The following MGRN1 variants were observed in gnomAD, a reference collection of about 807,000 sequenced individuals.
MGRN1 encodes E3 ubiquitin-protein ligase MGRN1.
In MGRN1, 29 loss-of-function variants were observed where a neutral mutation model predicts 69.2. The observed-to-expected ratio is 0.42, with a 90% CI of 0.31 to 0.57. The LOEUF (loss-of-function observed/expected upper bound fraction) is 0.57, where lower values mean the gene tolerates loss of function less well. Ranked by LOEUF, MGRN1 falls within the 20% of genes least tolerant of loss-of-function variation. MGRN1 has a pLI of 0.15. For synonymous variants in MGRN1, 470 were observed against 344.2 expected, an observed-to-expected ratio of 1.37 and a Z score of -4.04; for missense variants, 998 against 796.2, an observed-to-expected ratio of 1.25 and a Z score of -3.05.
At chr16:4,628,047 T>C (rs1246561187) in intron 1 of MGRN1, among the ~76,000 whole-genome samples, 1 of 136,556 alleles carries the variant, frequency 7.3e-6, no homozygotes, top group Non-Finnish European at 1.5e-5. Flanking sequence ...GCCACTGCAC[T>C]CCAGCCTAGG....
At chr16:4,673,304 C>G (rs1240592165) in intron 9 of MGRN1, among the ~76,000 whole-genome samples, 194 bp from the exon 10 acceptor site, 1 of 152,116 alleles carries the variant, frequency 6.6e-6, no homozygotes, top group Non-Finnish European at 1.5e-5. Flanking sequence ...CCCCCTCTGC[C>G]AGGTGCTGAG....
At chr16:4,671,264 G>C (rs2078930896) in intron 8 of MGRN1, 127 bp from the exon 9 acceptor site, 1 of 827,762 alleles carries the variant, frequency 1.2e-6, no homozygotes. Context: ...GGCCCCCAGG[G>C]GTTGAGCTGG....
At chr16:4,663,156 C>T (rs749947189) in intron 5 of MGRN1, among the ~76,000 whole-genome samples, 3 of 151,668 alleles carry the variant, frequency 2.0e-5, no homozygotes, top group South Asian at 4.2e-4. Context: ...CTCCGCCTCC[C>T]GATTTCAAGT....
At position 4,648,594 on chromosome 16, in the gene MGRN1, G is replaced by C. The variant is rs1221240706; in HGVS notation, c.89-1771G>C. Among the ~76,000 whole-genome samples the C allele has an allele frequency of 4.5e-5, 5 of 110,838 alleles. 1 individual carries two copies. The highest frequency in any genetic ancestry group is 1.7e-4 in the Admixed American group (2 of 12,030). The allele number at this position is 110,838 out of a possible 152,430, so 72.7% of individuals were successfully genotyped here. On this transcript the variant is annotated intron_variant, in intron 1 of 16. Transcript: ENST00000262370. Reference sequence around the variant, plus strand: ...GTGGTCACCCGGGTCCTCCTCCCGGGGCTCTTCCCGTGGTCACCCGGGTCC... The same window carrying C: ...GTGGTCACCCGGGTCCTCCTCCCGGCGCTCTTCCCGTGGTCACCCGGGTCC...
At chr16:4,649,689 A>AGGG (rs2078358171) in intron 1 of MGRN1, 1 of 152,474 alleles carries the variant, frequency 6.6e-6, no homozygotes, top group Non-Finnish European at 1.5e-5. Context: ...ATGCACAGGT[A>AGGG]GGGGCTGGGT....
At chr16:4,680,468 C>T (rs2079155919) in intron 12 of MGRN1, 1 of 231,536 alleles carries the variant, frequency 4.3e-6, no homozygotes, top group Non-Finnish European at 8.7e-6. Context: ...GTGTCCCGCT[C>T]CTTTACCCTG....
At chr16:4,683,177 G>A (rs750649828) in intron 14 of MGRN1, 47 bp from the exon 15 acceptor site, 117 of 1,607,146 alleles carry the variant, frequency 7.3e-5, no homozygotes, top group Non-Finnish European at 9.3e-5. Flanking sequence ...CTGGAGCGGT[G>A]GCCGCGGCTC....
chr16:4,658,148 G>C (rs565481567), intron 5 of MGRN1, among the ~76,000 whole-genome samples: 1 of 152,044 alleles, frequency 6.6e-6, no homozygotes, highest in Admixed American at 6.6e-5. Context: ...TCAAAGCTGT[G>C]TCCTCCCTCC....
intron 5 of MGRN1, chr16:4,659,168 A>C (rs940974347): frequency 1.3e-5 from 2 of 151,856 alleles, no homozygotes; most frequent in African/African-American, 2.4e-5. Context: ...GGTAAAAAAA[A>C]AATAAAAATA....
intron 16 of MGRN1, among the ~76,000 whole-genome samples, chr16:4,686,007 G>A (rs566963233): frequency 1.3e-5 from 2 of 152,200 alleles, no homozygotes; most frequent in South Asian, 2.1e-4. Context: ...TCCTTCATGC[G>A]CCCTTCCCTA....
At chr16:4,660,123 G>C (rs1009786842) in intron 5 of MGRN1, among the ~76,000 whole-genome samples, 18 of 152,252 alleles carry the variant, frequency 1.2e-4, no homozygotes, top group Admixed American at 3.9e-4. Flanking sequence ...GGCCACAGGG[G>C]TGCCCAGCAT....
intron 1 of MGRN1, chr16:4,640,480 C>A (rs1443999817): frequency 6.6e-6 from 1 of 152,404 alleles, no homozygotes; most frequent in South Asian, 2.1e-4. Context: ...CACCCAGAGT[C>A]CGAATCCCTC....
chr16:4,628,217 T>A (rs1386589365), intron 1 of MGRN1, among the ~76,000 whole-genome samples: 16 of 151,366 alleles, frequency 1.1e-4, no homozygotes, highest in Admixed American at 1.1e-3. Flanking sequence ...AAACCCCATG[T>A]CTACTAAAAA....
rs35244293 is a variant in MGRN1, at chr16:4,688,689, G to C, written c.1619-107G>C. 9.4e-3 allele frequency: 13,606 copies of C among 1,452,822 alleles called. 84 individuals are homozygous for C. Among genetic ancestry groups the C allele is most frequent in the Non-Finnish European group, 0.011 (12,267 of 1,094,458 alleles). The allele number at this position is 1,452,822 out of a possible 1,614,324, so 90.0% of individuals were successfully genotyped here. On this transcript the variant is annotated intron_variant, in intron 16 of 16. Coordinates refer to ENST00000262370, the MANE Select transcript of MGRN1 (RefSeq NM_015246.4). ...TGTTGTGGCCACAGGCGGCGGGAGT[G>C]GGGGTGCTGGATGGCCCAGCCCCTC...
Position 4,681,649 on chromosome 16 carries a change from T to C in MGRN1, c.1231T>C (p.Tyr411His), listed in dbSNP as rs755083140. The change falls in exon 13 of 17, where the codon TAT becomes CAT. Residue 411 changes from tyrosine to histidine, a missense_variant. Tyr to His is a moderately conservative substitution (Grantham distance 83). Transcript: ENST00000262370. ...VSPAIPSAPL[Y>H]EEITYSGISD... ...CCCGGCCATCCCCTCGGCCCCTCTTTATGAAGAAATCACCTATTCAGGCAT... is the reference window on the plus strand; with the variant it reads ...CCCGGCCATCCCCTCGGCCCCTCTTCATGAAGAAATCACCTATTCAGGCAT... The C allele has an allele frequency of 2.5e-6, 4 of 1,613,352 alleles. No homozygotes were observed. Among genetic ancestry groups the C allele is most frequent in the African/African-American group, 1.3e-5 (1 of 74,944 alleles).
At chr16:4,664,049 A>T (rs933892697) in intron 5 of MGRN1, 2 of 152,684 alleles carry the variant, frequency 1.3e-5, no homozygotes, top group African/African-American at 4.8e-5. Context: ...GGGAGAACTG[A>T]AAACGCGGTT....
chr16:4,655,809 C>G (rs771248331), intron 4 of MGRN1, among the ~76,000 whole-genome samples: 1 of 152,260 alleles, frequency 6.6e-6, no homozygotes, highest in Non-Finnish European at 1.5e-5. Context: ...GCAGGGCAAG[C>G]CACCCTCCCT....
rs757883146 is a variant in MGRN1 at position 4,680,155 on chromosome 16, C to T, written c.1131+58C>T. The T allele has an allele frequency of 4.0e-5, 61 of 1,534,176 alleles. No individual in the cohort carries two copies. The Middle Eastern group carries it at 5.1e-4, about 13-fold the overall frequency. On this transcript the variant is annotated intron_variant, in intron 12 of 16. Coordinates refer to ENST00000262370, the MANE Select transcript of MGRN1 (RefSeq NM_015246.4). ...GCCCCCGCCCTCATTTTTAAACCCA[C>T]GACAAGTAGGGGAGATCGTTTCCGC...
rs138965694 is a variant in MGRN1 at position 4,688,073 on chromosome 16, C to T, written c.1619-723C>T. ...CACAGCCTCGGAAACCTGCTCTCGCCGCGGCCCCCGAAGAAAATAGACGCC... is the reference window on the plus strand; with the variant it reads ...CACAGCCTCGGAAACCTGCTCTCGCTGCGGCCCCCGAAGAAAATAGACGCC... On this transcript the variant is annotated intron_variant, in intron 16 of 16. Transcript: ENST00000262370. 3.9e-4 allele frequency: 389 copies of T among 985,484 alleles called. 1 individual carries two copies. Among genetic ancestry groups the T allele is most frequent in the South Asian group, 2.9e-3 (62 of 21,290 alleles). The allele number at this position is 985,484 out of a possible 1,614,324, so 61.0% of individuals were successfully genotyped here. A position where few individuals can be genotyped will look rare whatever the true frequency, so the allele number is the denominator to read the frequency against.
Sources: gnomAD v4.1 joint callset for allele counts (sites outside exome capture counted in the v4.1 genomes callset) on GRCh38, gnomAD v4.1.1 for gene constraint, MANE v1.5 for transcripts, NCBI Gene and HGNC (gene_info 2026-07-23, HGNC 2026-07-21) for gene names.